The following CRACD variants were observed in gnomAD, a reference collection of about 807,000 sequenced individuals.
CRACD encodes capping protein inhibiting regulator of actin dynamics.
In CRACD, 56 loss-of-function variants were observed where a neutral mutation model predicts 106.8. That is an observed-to-expected ratio of 0.52 (90% CI 0.42 to 0.66). The LOEUF (loss-of-function observed/expected upper bound fraction) is 0.66. CRACD is among the 30% of genes least tolerant of loss of function. The pLI, the probability that CRACD is intolerant of heterozygous loss-of-function variation, is 0.00. For synonymous variants in CRACD, 754 were observed against 670.8 expected (o/e 1.12, Z -1.92); for missense variants, 1,730 against 1,623.2 (o/e 1.07, Z -1.13).
rs1577904789 is a variant in CRACD, at chr4:56,315,201, A to C, written c.1699A>C (p.Thr567Pro). ...PVTPAKDTGL[T>P]AAPQEPKAPK... ...GACGCCCGCAAAGGACACGGGGCTC[A>C]CCGCTGCTCCCCAGGAACCAAAGGC... The change falls in exon 8 of 11, where the codon ACC becomes CCC. Residue 567 changes from threonine to proline, a missense_variant. This residue lies in a region of CRACD where 1,620 missense variants were observed against 1,481.6 expected (regional missense o/e 1.09). Coordinates refer to ENST00000682029, the MANE Select transcript of CRACD (RefSeq NM_001393381.1). This position sits in a 1 kb window ranked among gnomAD's most constrained non-coding sequence, Gnocchi z 4.1. 6.3e-7 allele frequency: 1 copy of C among 1,593,080 alleles called. No individual in the cohort carries two copies. The highest frequency in any genetic ancestry group is 8.5e-7 in the Non-Finnish European group (1 of 1,170,080).
At chr4:56,053,531 A>T (rs1192767576) in intron 1 of CRACD, among the ~76,000 whole-genome samples, 1 of 152,126 alleles carries the variant, frequency 6.6e-6, no homozygotes, top group Middle Eastern at 3.2e-3. Context: ...TTTTACATTT[A>T]TATCTTCTAC....
intron 1 of CRACD, among the ~76,000 whole-genome samples, chr4:56,059,835 C>T (rs1399062968): frequency 6.6e-6 from 1 of 152,084 alleles, no homozygotes; most frequent in Non-Finnish European, 1.5e-5. Flanking sequence ...AGGCATGCGC[C>T]ACCACACCTG....
chr4:56,138,164 A>G (rs918215109), intron 1 of CRACD, among the ~76,000 whole-genome samples: 2 of 152,092 alleles, frequency 1.3e-5, no homozygotes, highest in Non-Finnish European at 2.9e-5. Context: ...GGATGATAAA[A>G]GGGATAATAT....
intron 8 of CRACD, among the ~76,000 whole-genome samples, chr4:56,322,824 T>G (rs1183925437): frequency 6.6e-6 from 1 of 152,020 alleles, no homozygotes; most frequent in Non-Finnish European, 1.5e-5. Flanking sequence ...AGGTCAGGAG[T>G]TCGAGACCAG....
intron 2 of CRACD, among the ~76,000 whole-genome samples, chr4:56,199,206 GC>G (rs754450133): frequency 2.0e-5 from 3 of 152,094 alleles, no homozygotes; most frequent in Non-Finnish European, 2.9e-5. Context: ...ATGAGATGTT[GC>G]CCACAAAAAT....
intron 2 of CRACD, among the ~76,000 whole-genome samples, chr4:56,244,272 G>C (rs1165564321): frequency 1.3e-5 from 2 of 152,030 alleles, no homozygotes; most frequent in African/African-American, 4.8e-5. Context: ...GCCTGATAAT[G>C]AGGGGGCCTG....
intron 2 of CRACD, among the ~76,000 whole-genome samples, chr4:56,251,187 C>A (rs538529637): frequency 6.6e-6 from 1 of 152,100 alleles, no homozygotes; most frequent in Non-Finnish European, 1.5e-5. Flanking sequence ...ATGCCTTGAC[C>A]GCCTGAGTCT....
intron 3 of CRACD, 171 bp from the exon 4 acceptor site, chr4:56,298,043 G>A (rs573949153): frequency 8.1e-6 from 5 of 620,326 alleles, no homozygotes; most frequent in Non-Finnish European, 1.1e-5. Flanking sequence ...GGACCCTTTT[G>A]TCTACCCAGC....
intron 1 of CRACD, among the ~76,000 whole-genome samples, chr4:56,107,568 G>A (rs1733989780): frequency 6.6e-6 from 1 of 151,896 alleles, no homozygotes; most frequent in Admixed American, 6.6e-5. Flanking sequence ...TTCCAGGGCC[G>A]GCCACCACTG....
intron 3 of CRACD, among the ~76,000 whole-genome samples, chr4:56,285,983 T>C (rs952212911): frequency 6.6e-6 from 1 of 152,118 alleles, no homozygotes; most frequent in Non-Finnish European, 1.5e-5. Context: ...CAGAGTACTT[T>C]AGGGCTCTGG....
chr4:56,144,417 T>C (rs1252401513), intron 1 of CRACD, among the ~76,000 whole-genome samples: 1 of 152,142 alleles, frequency 6.6e-6, no homozygotes, highest in Non-Finnish European at 1.5e-5. Flanking sequence ...GAGACTAGTT[T>C]GTGGAAATCC....
chr4:56,132,299 C>T (rs1734850172), intron 1 of CRACD, among the ~76,000 whole-genome samples: 1 of 152,118 alleles, frequency 6.6e-6, no homozygotes, highest in African/African-American at 2.4e-5. Flanking sequence ...CTTGGCCTCT[C>T]AAAGTGCTGG....
At chr4:56,226,825 C>G (rs1739325021) in intron 2 of CRACD, among the ~76,000 whole-genome samples, 1 of 151,774 alleles carries the variant, frequency 6.6e-6, no homozygotes, top group South Asian at 2.1e-4. Flanking sequence ...CTTTCCCTCT[C>G]CTTCACACCT....
intron 1 of CRACD, among the ~76,000 whole-genome samples, chr4:56,061,420 CCTTGGCCTCCCAAACTG>C (rs558600204): frequency 1.1e-3 from 168 of 152,140 alleles, no homozygotes; most frequent in African/African-American, 4.0e-3. Context: ...GATCTACCTG[CCTTGGCCTCCCAAACTG>C]CTGGGATTAT....
At chr4:56,324,075 G>A in intron 9 of CRACD, 29 bp from the exon 10 acceptor site, 1 of 1,579,514 alleles carries the variant, frequency 6.3e-7, no homozygotes, top group East Asian at 2.2e-5. Flanking sequence ...TTGAAAACAT[G>A]TTTCCCATGA....
At position 56,120,517 on chromosome 4, in the gene CRACD, A is replaced by G. The variant is rs544455385; in HGVS notation, c.-335-58767A>G. On this transcript the variant is annotated intron_variant, in intron 1 of 10. Coordinates refer to ENST00000682029, the MANE Select transcript of CRACD (RefSeq NM_001393381.1). ...CTATTATGACGCAGCCAACCAAATA[A>G]TTTCAGAAAATCTTAGCCTTCTTCA... Among the ~76,000 whole-genome samples the G allele has an allele frequency of 2.6e-5, 4 of 152,350 alleles. No homozygotes were observed. In the South Asian group the frequency reaches 8.3e-4, roughly 32 times the overall value.
At chr4:56,169,043 C>T (rs1736257397) in intron 1 of CRACD, among the ~76,000 whole-genome samples, 1 of 152,182 alleles carries the variant, frequency 6.6e-6, no homozygotes, top group Non-Finnish European at 1.5e-5. Flanking sequence ...GGGCTCACTA[C>T]AAAGGCATTC....
intron 1 of CRACD, among the ~76,000 whole-genome samples, chr4:56,063,185 C>G (rs1156483097): frequency 6.6e-6 from 1 of 151,998 alleles, no homozygotes; most frequent in Non-Finnish European, 1.5e-5. Context: ...CTTGTTTTTT[C>G]CCTTCAAATA....
intron 4 of CRACD, among the ~76,000 whole-genome samples, chr4:56,306,826 T>C (rs1328478172): frequency 6.6e-6 from 1 of 152,198 alleles, no homozygotes; most frequent in African/African-American, 2.4e-5. Flanking sequence ...CCCCATTTGG[T>C]TCCTCTGTCT....
Sources: gnomAD v4.1 joint callset for allele counts (sites outside exome capture counted in the v4.1 genomes callset) on GRCh38, gnomAD v4.1.1 for gene constraint, gnomAD v4.1.1 regional missense constraint, Gnocchi (gnomAD v3.1) non-coding constraint, MANE v1.5 for transcripts, NCBI Gene and HGNC (gene_info 2026-07-23, HGNC 2026-07-21) for gene names.